Variants in SIAE observed in about 807,000 individuals in gnomAD.
SIAE encodes sialic acid acetylesterase, also known as sialate O-acetylesterase.
SIAE carries 39 observed loss-of-function variants against 52.6 expected under a neutral mutation model. The ratio of observed to expected loss-of-function variants is 0.74; its 90% CI spans 0.57 to 0.97. The LOEUF (loss-of-function observed/expected upper bound fraction) is 0.97. Ranked by LOEUF, SIAE falls within the 50% of genes least tolerant of loss-of-function variation. SIAE has a pLI of 0.00. For synonymous variants in SIAE, 233 were observed against 241.4 expected (o/e 0.97, Z 0.32); for missense variants, 592 against 662.1 (o/e 0.89, Z 1.16).
chr11:124,667,910 G>A (rs545315371), intron 2 of SIAE, among the ~76,000 whole-genome samples: 1 of 152,054 alleles, frequency 6.6e-6, no homozygotes, highest in Non-Finnish European at 1.5e-5. Context: ...ACTCTATGAG[G>A]TCAAACCCTC....
At chr11:124,662,709 C>G (rs975651627) in intron 2 of SIAE, among the ~76,000 whole-genome samples, 5 of 152,208 alleles carry the variant, frequency 3.3e-5, no homozygotes, top group Admixed American at 3.3e-4. Flanking sequence ...AACTAGGCAT[C>G]AAGACCCGAG....
intron 7 of SIAE, among the ~76,000 whole-genome samples, chr11:124,646,553 G>A (rs552388673): frequency 1.3e-5 from 2 of 151,682 alleles, no homozygotes; most frequent in African/African-American, 4.8e-5. Flanking sequence ...GGATTCCAGG[G>A]AGTGGAAGGG....
chr11:124,647,287 C>T (rs190121746), intron 7 of SIAE, 78 bp downstream of exon 7: 1 of 1,592,220 alleles, frequency 6.3e-7, no homozygotes, highest in African/African-American at 1.3e-5. Context: ...CATCCCCACA[C>T]CAATGCCCAT....
At chr11:124,649,913 C>G (rs1942993974) in intron 4 of SIAE, 117 bp from the exon 5 acceptor site, 1 of 931,950 alleles carries the variant, frequency 1.1e-6, no homozygotes, top group Non-Finnish European at 1.7e-6. Context: ...CTGTTGTTTT[C>G]TAAGACTTTC....
intron 3 of SIAE, chr11:124,658,829 T>C (rs973424989): frequency 1.3e-5 from 2 of 151,864 alleles, no homozygotes; most frequent in Admixed American, 1.3e-4. Flanking sequence ...TGTGTGTGTG[T>C]TGGGGGTTTG....
upstream of SIAE, chr11:124,675,670 G>C: frequency 3.0e-6 from 1 of 336,410 alleles, no homozygotes; most frequent in South Asian, 3.8e-5. Context: ...ATACAGCGTG[G>C]AAGGTAACTG....
At chr11:124,652,382 G>A (rs1943029423) in intron 4 of SIAE, among the ~76,000 whole-genome samples, 2 of 152,084 alleles carry the variant, frequency 1.3e-5, no homozygotes, top group Admixed American at 6.5e-5. Context: ...CAGCAGCAGT[G>A]ATGTGATGAC....
upstream of SIAE, chr11:124,674,966 G>C: frequency 4.7e-6 from 1 of 213,834 alleles, no homozygotes; most frequent in Non-Finnish European, 9.2e-6. Flanking sequence ...GCATATAAAG[G>C]GTAAAGAGAG....
intron 2 of SIAE, among the ~76,000 whole-genome samples, chr11:124,668,674 T>A (rs1343407895): frequency 6.6e-6 from 1 of 152,220 alleles, no homozygotes; most frequent in Non-Finnish European, 1.5e-5. Context: ...GGAGATGTTA[T>A]ATTACATGTC....
At chr11:124,648,470 TG>T (rs60074472) in intron 5 of SIAE, among the ~76,000 whole-genome samples, 17,611 of 150,800 alleles carry the variant, frequency 0.12, 3,080 homozygotes, top group African/African-American at 0.38. Context: ...TCTCACATTG[TG>T]GGGGGGGGCC....
At chr11:124,660,287 T>C in intron 3 of SIAE, 1 of 329,278 alleles carries the variant, frequency 3.0e-6, no homozygotes, top group Non-Finnish European at 5.8e-6. Flanking sequence ...AGAAACTCCG[T>C]CTCAAAAAAG....
chr11:124,661,469 CTT>C (rs956591597), intron 2 of SIAE, among the ~76,000 whole-genome samples: 4 of 152,180 alleles, frequency 2.6e-5, no homozygotes, highest in African/African-American at 9.7e-5. Flanking sequence ...ATTTACAAGA[CTT>C]AAGGCTTTGG....
chr11:124,669,146 T>C (rs1186792589), intron 2 of SIAE, among the ~76,000 whole-genome samples: 2 of 152,242 alleles, frequency 1.3e-5, no homozygotes, highest in Non-Finnish European at 2.9e-5. Context: ...TTCTGTAAGT[T>C]CCTTGAGAAC....
intron 7 of SIAE, among the ~76,000 whole-genome samples, chr11:124,641,110 A>T (rs987957585): frequency 3.7e-4 from 57 of 152,374 alleles, no homozygotes; most frequent in Middle Eastern, 3.4e-3. Flanking sequence ...AGACCTACAC[A>T]TAAGAAATAA....
chr11:124,675,339 C>T (rs746710809), upstream of SIAE: 4 of 1,614,166 alleles, frequency 2.5e-6, no homozygotes, highest in Non-Finnish European at 3.4e-6. Flanking sequence ...GGCTGACACG[C>T]GAGATTCTGA....
rs1315789496 is a variant in SIAE, at chr11:124,633,471, T to C, written c.*3480A>G. 1 of 152,248 alleles carries C rather than the reference T, an allele frequency of 6.6e-6. No homozygotes were observed. The highest frequency in any genetic ancestry group is 2.4e-5 in the African/African-American group (1 of 41,444). 9.4% of individuals were successfully genotyped at this position (152,248 alleles called of 1,614,324 possible). A position where few individuals can be genotyped will look rare whatever the true frequency, so the allele number is the denominator to read the frequency against. On this transcript the variant is annotated 3_prime_UTR_variant, in exon 10 of 10. Transcript: ENST00000263593. ...AAGAATGGGGATGGAGTGGTGAGAA[T>C]TGAATGGTTAATGCACTGCCATTCA...
rs770624894 is a variant in SIAE, at chr11:124,673,729, C to A, written c.-21G>T. The A allele has an allele frequency of 2.5e-6, 4 of 1,611,976 alleles. No homozygotes were observed. The highest frequency in any genetic ancestry group is 2.2e-5 in the South Asian group (2 of 90,704). ...ACCATGCTTGCAAGGATCTGACCGCCGCCTAGGACTGGGAAAGTGGGTTCC... is the reference window on the plus strand; with the variant it reads ...ACCATGCTTGCAAGGATCTGACCGCAGCCTAGGACTGGGAAAGTGGGTTCC... On this transcript the variant is annotated 5_prime_UTR_variant, in exon 1 of 10. Coordinates refer to ENST00000263593, the MANE Select transcript of SIAE (RefSeq NM_170601.5).
intron 3 of SIAE, among the ~76,000 whole-genome samples, chr11:124,657,765 A>G (rs1943124406): frequency 6.6e-6 from 1 of 152,196 alleles, no homozygotes; most frequent in Non-Finnish European, 1.5e-5. Context: ...CATAATGACA[A>G]TTACTTCAGA....
chr11:124,673,668 A>C lies in SIAE; in HGVS notation c.41T>G (p.Leu14Ter), dbSNP rs1394695692. ...PGLVLGLVLP[L>*]ILWADRSAGI... The stretch of plus-strand genomic sequence containing the variant: ...TGCACTTCTGTCGGCCCACAGGATT[A>C]ATGGCAGCACCAGCCCGAGTACAAG... Residue 14 changes from leucine (L) to a stop codon, truncating the protein, a stop_gained, in exon 1 of 10, where the codon TTA becomes TGA. Transcript: ENST00000263593. LOFTEE classifies it high-confidence loss of function. The C allele has an allele frequency of 1.2e-6, 2 of 1,613,558 alleles. No individual in the cohort carries two copies. Among genetic ancestry groups the C allele is most frequent in the Non-Finnish European group, 1.7e-6 (2 of 1,179,822 alleles).
Sources: gnomAD v4.1 joint callset for allele counts (sites outside exome capture counted in the v4.1 genomes callset) on GRCh38, gnomAD v4.1.1 for gene constraint, MANE v1.5 for transcripts, NCBI Gene and HGNC (gene_info 2026-07-23, HGNC 2026-07-21) for gene names.